CDH18: variants seen among roughly 807,000 people sequenced by gnomAD.
The protein encoded by CDH18 is cadherin 18, also known as cadherin-18.
CDH18 carries 31 observed loss-of-function variants against 67.9 expected under a neutral mutation model. That is an observed-to-expected ratio of 0.46 (90% confidence interval 0.34 to 0.62). The LOEUF is 0.62. CDH18 is among the 20% of genes least tolerant of loss of function. The probability of loss-of-function intolerance (pLI) is 0.01; values close to 1 mark genes in which losing one functional copy is unlikely to be tolerated. For missense variants in CDH18, 890 were observed against 975.5 expected (o/e 0.91, Z 1.17); for synonymous variants, 362 against 347.2 (o/e 1.04, Z -0.48).
intron 2 of CDH18, among the ~76,000 whole-genome samples, chr5:20,107,112 G>T (rs1580258087): frequency 7.0e-6 from 1 of 142,196 alleles, no homozygotes. Flanking sequence ...ACGGAGTCTC[G>T]CTCTGTCGCC....
intron 1 of CDH18, among the ~76,000 whole-genome samples, chr5:20,365,185 G>A (rs549141786): frequency 1.3e-5 from 2 of 152,134 alleles, no homozygotes; most frequent in Non-Finnish European, 2.9e-5. Flanking sequence ...CCTCTTCCTG[G>A]CTTGTAGATG....
At chr5:20,421,711 G>GA (rs1747873986) in intron 1 of CDH18, among the ~76,000 whole-genome samples, 1 of 150,726 alleles carries the variant, frequency 6.6e-6, no homozygotes, top group Non-Finnish European at 1.5e-5. Flanking sequence ...AGTAAAACTT[G>GA]AATGTGTTTC....
At chr5:19,891,179 C>T (rs889701591) in intron 2 of CDH18, among the ~76,000 whole-genome samples, 11 of 152,220 alleles carry the variant, frequency 7.2e-5, no homozygotes, top group Middle Eastern at 3.4e-3. Context: ...ATGCCTTTAT[C>T]TGTGGATCTA....
chr5:19,878,167 A>T (rs931472090), intron 2 of CDH18: 1 of 152,020 alleles, frequency 6.6e-6, no homozygotes, highest in Non-Finnish European at 1.5e-5. Context: ...GGGAATTTCA[A>T]CTTATTCTTT....
chr5:19,685,959 T>A (rs944799224), intron 5 of CDH18, among the ~76,000 whole-genome samples: 1 of 152,106 alleles, frequency 6.6e-6, no homozygotes, highest in African/African-American at 2.4e-5. Context: ...CAAAGGAGAA[T>A]GGGAAATTTT....
At chr5:20,116,260 G>A (rs1342156346) in intron 2 of CDH18, among the ~76,000 whole-genome samples, 2 of 152,060 alleles carry the variant, frequency 1.3e-5, no homozygotes, top group Admixed American at 6.6e-5. Context: ...CAGCTTTTCT[G>A]CATAATGGGA....
intron 2 of CDH18, among the ~76,000 whole-genome samples, chr5:19,846,619 T>C (rs1782983902): frequency 6.6e-6 from 1 of 152,138 alleles, no homozygotes; most frequent in African/African-American, 2.4e-5. Flanking sequence ...GGGCCATCTT[T>C]CATATATGTG....
At chr5:19,823,458 T>A (rs1008224355) in intron 3 of CDH18, among the ~76,000 whole-genome samples, 4 of 152,200 alleles carry the variant, frequency 2.6e-5, no homozygotes, top group Non-Finnish European at 4.4e-5. Flanking sequence ...TCCACATTCT[T>A]CTGCCATGAC....
rs999900530 is a variant in CDH18 at position 20,099,289 on chromosome 5, T to G, written c.-517-107275A>C. Among the ~76,000 whole-genome samples, 10 of 152,268 alleles carry G rather than the reference T, an allele frequency of 6.6e-5. No individual in the cohort carries two copies. The South Asian group carries it at 2.1e-3, about 32-fold the overall frequency. On this transcript the variant is annotated intron_variant, in intron 2 of 14. Transcript: ENST00000507958. ...ATTGTAGGGATTAACAATCCTGGCT[T>G]CTAAGAACAGAATATGATCAGGCAT...
At chr5:19,947,423 G>C (rs940228851) in intron 2 of CDH18, among the ~76,000 whole-genome samples, 2 of 151,410 alleles carry the variant, frequency 1.3e-5, no homozygotes, top group East Asian at 3.9e-4. Flanking sequence ...ATCCATAATA[G>C]AAAAAAAGAA....
chr5:20,157,832 G>A (rs986804108), intron 2 of CDH18, among the ~76,000 whole-genome samples: 6 of 151,778 alleles, frequency 4.0e-5, no homozygotes, highest in Non-Finnish European at 8.8e-5. Context: ...AGTAGAGATG[G>A]GGTTTCACCA....
At chr5:20,570,670 A>C (rs999243806) in intron 1 of CDH18, among the ~76,000 whole-genome samples, 15 of 152,168 alleles carry the variant, frequency 9.9e-5, no homozygotes, top group African/African-American at 3.4e-4. Flanking sequence ...GAGTGACTGC[A>C]GTTTAGTAAA....
At chr5:20,074,187 C>A (rs1045978898) in intron 2 of CDH18, among the ~76,000 whole-genome samples, 2 of 151,998 alleles carry the variant, frequency 1.3e-5, no homozygotes, top group African/African-American at 4.8e-5. Flanking sequence ...GACAATTATA[C>A]ACATATAGAC....
intron 4 of CDH18, among the ~76,000 whole-genome samples, chr5:19,725,588 G>A (rs1328672092): frequency 2.6e-5 from 4 of 152,218 alleles, no homozygotes; most frequent in Non-Finnish European, 5.9e-5. Flanking sequence ...TGACCAACAT[G>A]GAGAAATCTC....
chr5:19,970,238 A>C (rs563673426), intron 2 of CDH18, among the ~76,000 whole-genome samples: 3 of 151,278 alleles, frequency 2.0e-5, no homozygotes, highest in Non-Finnish European at 4.4e-5. Context: ...TATAGTATTA[A>C]TACATATTAT....
intron 3 of CDH18, among the ~76,000 whole-genome samples, chr5:19,831,198 A>G (rs1490322002): frequency 2.6e-5 from 4 of 152,182 alleles, no homozygotes; most frequent in South Asian, 2.1e-4. Context: ...CTTTCTTGAC[A>G]TAAGCCTTGG....
At chr5:20,109,211 C>T (rs922385609) in intron 2 of CDH18, among the ~76,000 whole-genome samples, 2 of 152,074 alleles carry the variant, frequency 1.3e-5, no homozygotes, top group African/African-American at 4.8e-5. Flanking sequence ...TGAGACTGCC[C>T]CTATAAACAA....
intron 2 of CDH18, among the ~76,000 whole-genome samples, chr5:20,217,081 TCAGA>T (rs1740839720): frequency 6.6e-6 from 1 of 151,772 alleles, no homozygotes; most frequent in Admixed American, 6.6e-5. Flanking sequence ...GAAGAGTTTC[TCAGA>T]CAAACAAAGC....
chr5:19,679,233 T>C (rs2150377214), intron 5 of CDH18, among the ~76,000 whole-genome samples: 1 of 151,982 alleles, frequency 6.6e-6, no homozygotes, highest in Non-Finnish European at 1.5e-5. Flanking sequence ...TGCAGAAAAG[T>C]CTTTTGATAC....
Sources: allele counts gnomAD v4.1 joint callset (sites outside exome capture counted in the v4.1 genomes callset), GRCh38; gene constraint gnomAD v4.1.1; transcripts MANE v1.5; gene names NCBI Gene and HGNC (gene_info 2026-07-23, HGNC 2026-07-21).